Variants in ABCF2 observed in about 807,000 individuals in gnomAD.
The protein encoded by ABCF2 is ATP-binding cassette sub-family F member 2.
Under a neutral mutation model 76.9 loss-of-function variants are expected in ABCF2, and 37 were observed. The ratio of observed to expected loss-of-function variants is 0.48; its 90% CI spans 0.37 to 0.63. The LOEUF is 0.63. Ranked by LOEUF, ABCF2 falls within the 30% of genes least tolerant of loss-of-function variation. ABCF2 has a pLI of 0.00. For synonymous variants in ABCF2, 299 were observed against 283.7 expected (o/e 1.05, Z -0.54); for missense variants, 524 against 782.1 (o/e 0.67, Z 3.94).
chr7:151,224,897 G>A lies in ABCF2; in HGVS notation c.246C>T (p.Asn82=), dbSNP rs1802342627. 1 of 1,614,098 alleles carries A rather than the reference G, an allele frequency of 6.2e-7. No individual in the cohort carries two copies. Residue 82 remains asparagine (N), a synonymous_variant, in exon 3 of 15, where the codon AAC becomes AAT. Transcript: ENST00000287844. ...GGTTGATGATGTGAACATCAGTACT[G>A]TTGGGGTGAGAGGCCAGGACGCCAG... ...AVTGVLASHP[N]STDVHIINLS...
At chr7:151,217,721 G>A (rs944454509) in intron 11 of ABCF2, among the ~76,000 whole-genome samples, 2 of 141,840 alleles carry the variant, frequency 1.4e-5, no homozygotes, top group African/African-American at 5.3e-5. Flanking sequence ...TGAACTCGGG[G>A]GATGAAGGTT....
At chr7:151,219,281 A>G in intron 7 of ABCF2, 122 bp from the exon 8 acceptor site, 1 of 805,166 alleles carries the variant, frequency 1.2e-6, no homozygotes, top group Non-Finnish European at 2.2e-6. Flanking sequence ...AAGGCTGTGC[A>G]GTAAGAAGAG....
At position 151,215,472 on chromosome 7, in the gene ABCF2, T is replaced by C. The variant is rs982644054; in HGVS notation, c.1530+132A>G. ...GAGTAAAGAAAAGGTAGTAGGTTCTTAGGGGAGTCAAATGGAGGAGACTCT... is the reference window on the plus strand; with the variant it reads ...GAGTAAAGAAAAGGTAGTAGGTTCTCAGGGGAGTCAAATGGAGGAGACTCT... On this transcript the variant is annotated intron_variant, in intron 13 of 14. Transcript: ENST00000287844. The surrounding 1 kb of genome is among the most constrained non-coding windows in gnomAD (Gnocchi z 4.6). 12 of 1,126,318 alleles carry C rather than the reference T, an allele frequency of 1.1e-5. No homozygotes were observed. Among genetic ancestry groups the C allele is most frequent in the Admixed American group, 2.1e-5 (1 of 46,990 alleles). The allele number at this position is 1,126,318 out of a possible 1,614,324, so 69.8% of individuals were successfully genotyped here.
Position 151,215,459 on chromosome 7 carries a change from GGTA to G in ABCF2, c.1530+142_1530+144del, listed in dbSNP as rs1359225345. The G allele has an allele frequency of 1.0e-6, 1 of 998,156 alleles. No individual in the cohort carries two copies. Among genetic ancestry groups the G allele is most frequent in the Non-Finnish European group, 1.5e-6 (1 of 672,548 alleles). 61.8% of individuals were successfully genotyped at this position (998,156 alleles called of 1,614,324 possible). A position where few individuals can be genotyped will look rare whatever the true frequency, so the allele number is the denominator to read the frequency against. The stretch of plus-strand genomic sequence containing the variant: ...ACATAACAACCTAGAGTAAAGAAAA[GGTA>G]GTAGGTTCTTAGGGGAGTCAAATGG... On this transcript the variant is annotated intron_variant, in intron 13 of 14. Coordinates refer to ENST00000287844, the MANE Select transcript of ABCF2 (RefSeq NM_007189.3). The surrounding 1 kb of genome is among the most constrained non-coding windows in gnomAD (Gnocchi z 4.6).
chr7:151,221,613 T>C lies in ABCF2; in HGVS notation c.886A>G (p.Ile296Val). 6.2e-7 allele frequency: 1 copy of C among 1,610,464 alleles called. No homozygotes were observed. Residue 296 changes from isoleucine to valine, a missense_variant, in exon 7 of 15, where the codon ATT becomes GTT. Transcript: ENST00000287844. ...TTCAGTTTCTTGTTGTGCATGTGAA[T>C]GATATTGGTACAGACACCATTCAGA... ...DFLNGVCTNI[I>V]HMHNKKLKYY...
In ABCF2 at chr7:151,218,896, T is replaced by C. The variant is rs760110218; in HGVS notation, c.1018-23A>G. 6 of 1,612,648 alleles carry C rather than the reference T, an allele frequency of 3.7e-6. No homozygotes were observed. In the East Asian group the frequency reaches 1.3e-4, roughly 36 times the overall value. ...GTTCTAAAAAAGACCAAAGAGAGCTTGGAGTATGTGCAGGCGCTCAACAAT... is the reference window on the plus strand; with the variant it reads ...GTTCTAAAAAAGACCAAAGAGAGCTCGGAGTATGTGCAGGCGCTCAACAAT... On this transcript the variant is annotated intron_variant, in intron 8 of 14. Coordinates refer to ENST00000287844, the MANE Select transcript of ABCF2 (RefSeq NM_007189.3).
At position 151,215,109 on chromosome 7, in the gene ABCF2, A is replaced by G. The variant is rs184457666; in HGVS notation, c.1531-27T>C. On this transcript the variant is annotated intron_variant, in intron 13 of 14. Transcript: ENST00000287844. This position sits in a 1 kb window ranked among gnomAD's most constrained non-coding sequence, Gnocchi z 4.6. ...TGAGTAGAACCGTGACCTACATATA[A>G]CTTGGCATTATCCCCGCCAAACAGC... 209 of 1,594,320 alleles carry G rather than the reference A, an allele frequency of 1.3e-4. 1 individual carries two copies. In the African/African-American group the frequency reaches 2.4e-3, roughly 18 times the overall value.
rs1395351509 is a variant in ABCF2, at chr7:151,212,591, G to C, written c.*1463C>G. Reference sequence around the variant, plus strand: ...TGCTCACTGCAGCCTCAACCTCCTGGGCTCAAGTGAGCCTCCTCTTATCAG... The same window carrying C: ...TGCTCACTGCAGCCTCAACCTCCTGCGCTCAAGTGAGCCTCCTCTTATCAG... On this transcript the variant is annotated 3_prime_UTR_variant, in exon 15 of 15. Transcript: ENST00000287844. 1 of 719,738 alleles carries C rather than the reference G, an allele frequency of 1.4e-6. No homozygotes were observed. The highest frequency in any genetic ancestry group is 1.7e-6 in the Non-Finnish European group (1 of 587,562). 44.6% of individuals were successfully genotyped at this position (719,738 alleles called of 1,614,324 possible). A position where few individuals can be genotyped will look rare whatever the true frequency, so the allele number is the denominator to read the frequency against.
Position 151,215,231 on chromosome 7 carries a change from T to C in ABCF2, c.1531-149A>G, listed in dbSNP as rs1021179864. ...AGAGACCCACTAGTCTCTTGAGGCC[T>C]GAAAGAGACTCATCCGGAAACCTGA... On this transcript the variant is annotated intron_variant, in intron 13 of 14. Coordinates refer to ENST00000287844, the MANE Select transcript of ABCF2 (RefSeq NM_007189.3). This position sits in a 1 kb window ranked among gnomAD's most constrained non-coding sequence, Gnocchi z 4.6. 1.3e-6 allele frequency: 1 copy of C among 784,332 alleles called. No homozygotes were observed. The highest frequency in any genetic ancestry group is 2.0e-6 in the Non-Finnish European group (1 of 491,692). The allele number at this position is 784,332 out of a possible 1,614,324, so 48.6% of individuals were successfully genotyped here.
Position 151,222,599 on chromosome 7 carries a change from G to A in ABCF2, c.740C>T (p.Pro247Leu). Residue 247 changes from proline to leucine, a missense_variant, in exon 6 of 15, where the codon CCC becomes CTC. Physicochemically the swap from Pro to Leu is moderately conservative, Grantham distance 98. Around this residue, in one of 2 missense-constraint regions of ABCF2, gnomAD observed 330 missense variants for 433.6 expected, o/e 0.76. Transcript: ENST00000287844. ...AGGCTCATCCAGGAGCAGCATGAAG[G>A]GCCGAATAAAGAGGGCTCTGAAGGA... is the stretch of plus-strand genomic sequence containing the variant. ...VALARALFIRPFMLLLDEPTN... is the reference protein window; with the variant it reads ...VALARALFIRLFMLLLDEPTN... The A allele has an allele frequency of 6.2e-7, 1 of 1,613,552 alleles. No homozygotes were observed. The highest frequency in any genetic ancestry group is 1.1e-5 in the South Asian group (1 of 90,984).
At position 151,214,059 on chromosome 7, in the gene ABCF2, C is replaced by A. The variant is rs144988836; in HGVS notation, c.1867G>T (p.Val623Leu). Residue 623 changes from valine (V) to leucine (L), a missense_variant, in exon 15 of 15, where the codon GTG becomes TTG. Transcript: ENST00000287844. This position sits in a 1 kb window ranked among gnomAD's most constrained non-coding sequence, Gnocchi z 4.9. ...CCCGAACCCAGGTAGAGGGCTCACA[C>A]GTTGTGGGTCCTCTTGGTGAGCTGG... is the stretch of plus-strand genomic sequence containing the variant. ...EPQLTKRTHN[V>L] The A allele has an allele frequency of 6.2e-7, 1 of 1,613,794 alleles. No homozygotes were observed. The highest frequency in any genetic ancestry group is 8.5e-7 in the Non-Finnish European group (1 of 1,179,952).
intron 3 of ABCF2, 40 bp from the exon 4 acceptor site, chr7:151,224,154 C>T (rs1415941876): frequency 1.4e-5 from 23 of 1,598,534 alleles, no homozygotes; most frequent in Non-Finnish European, 1.9e-5. Context: ...ACAGTGAACT[C>T]CCCTATCCCT....
Position 151,223,859 on chromosome 7 carries a change from G to A in ABCF2, c.551-10C>T, listed in dbSNP as rs763631271. 25 of 1,608,938 alleles carry A rather than the reference G, an allele frequency of 1.6e-5. No homozygotes were observed. Among genetic ancestry groups the A allele is most frequent in the South Asian group, 6.6e-5 (6 of 90,932 alleles). On this transcript the variant is annotated splice_polypyrimidine_tract_variant and intron_variant, in intron 4 of 14. Transcript: ENST00000287844. The stretch of plus-strand genomic sequence containing the variant: ...AGCTTCTCACACTCCGCTGTGGACA[G>A]TGTATGGCCATGAGGCTCCTGGGGG...
At chr7:151,226,858 T>G in intron 1 of ABCF2, 2 of 161,604 alleles carry the variant, frequency 1.2e-5, no homozygotes, top group Admixed American at 6.4e-5. Flanking sequence ...CCGCCTCACT[T>G]TCCGGGCTTC....
rs755752739 is a variant in ABCF2 at position 151,215,688 on chromosome 7, G to A, written c.1446C>T (p.Tyr482=). The change falls in exon 13 of 15, where the codon TAC becomes TAT. Residue 482 remains tyrosine, a synonymous_variant. Transcript: ENST00000287844. This position sits in a 1 kb window ranked among gnomAD's most constrained non-coding sequence, Gnocchi z 4.6. ...QLDLDLSPLE[Y]MMKCYPEIKE... ...TGATCTCTGGGTAGCACTTCATCAT[G>A]TACTCCAAAGGTGAGAGATCTAAGT... is the stretch of plus-strand genomic sequence containing the variant. 1.4e-5 allele frequency: 23 copies of A among 1,614,004 alleles called. No individual in the cohort carries two copies. Among genetic ancestry groups the A allele is most frequent in the South Asian group, 5.5e-5 (5 of 91,080 alleles).
At chr7:151,220,965 G>A (rs1253848639) in intron 7 of ABCF2, among the ~76,000 whole-genome samples, 1 of 152,260 alleles carries the variant, frequency 6.6e-6, no homozygotes, top group Non-Finnish European at 1.5e-5. Flanking sequence ...GTGACGGAAT[G>A]AGATTCTGTT....
rs145160370 is a variant in ABCF2 at position 151,218,806 on chromosome 7, G to A, written c.1085C>T (p.Thr362Met). ...TCCTGATGCCATCATTTTCTGTAGC[G>A]TCTTCTCCTTGCTCTGGGCCTGCCG... The part of the protein sequence containing the change: ...LARQAQSKEK[T>M]LQKMMASGLT... The change falls in exon 9 of 15, where the codon ACG becomes ATG. Residue 362 changes from threonine to methionine, a missense_variant. Physicochemically the swap from Thr to Met is moderately conservative, Grantham distance 81. This residue lies in a region of ABCF2 where 194 missense variants were observed against 348.6 expected (regional missense o/e 0.56). Coordinates refer to ENST00000287844, the MANE Select transcript of ABCF2 (RefSeq NM_007189.3). 12 of 1,613,290 alleles carry A rather than the reference G, an allele frequency of 7.4e-6. 1 individual carries two copies. The highest frequency in any genetic ancestry group is 5.4e-5 in the African/African-American group (4 of 74,678).
chr7:151,219,015 T>C, intron 8 of ABCF2, 49 bp downstream of exon 8: 1 of 1,589,746 alleles, frequency 6.3e-7, no homozygotes. Context: ...CCGAGCCCCC[T>C]GCTTCTTTCA....
intron 11 of ABCF2, 49 bp from the exon 12 acceptor site, chr7:151,216,078 T>C (rs1419947405): frequency 6.5e-7 from 1 of 1,537,122 alleles, no homozygotes; most frequent in Non-Finnish European, 9.0e-7. Flanking sequence ...GGAAGCCCAG[T>C]TAGAAACATA....
Sources: allele counts gnomAD v4.1 joint callset (sites outside exome capture counted in the v4.1 genomes callset), GRCh38; gene constraint gnomAD v4.1.1; regional missense constraint gnomAD v4.1.1; non-coding constraint Gnocchi (gnomAD v3.1); transcripts MANE v1.5; gene names NCBI Gene and HGNC (gene_info 2026-07-23, HGNC 2026-07-21).